Variants in STK32B observed in about 807,000 individuals in gnomAD.
STK32B encodes the protein serine/threonine kinase 32B.
STK32B carries 43 observed loss-of-function variants against 52.6 expected under a neutral mutation model. That is an observed-to-expected ratio of 0.82 (90% CI 0.64 to 1.05). The LOEUF (loss-of-function observed/expected upper bound fraction) is 1.05. Ranked by LOEUF, STK32B falls within the 50% of genes least tolerant of loss-of-function variation. The pLI is 0.00. For missense variants in STK32B, 621 were observed against 534.6 expected (o/e 1.16, Z -1.59); for synonymous variants, 238 against 204.3 (o/e 1.17, Z -1.41).
intron 11 of STK32B, among the ~76,000 whole-genome samples, chr4:5,489,723 C>T (rs531558962): frequency 7.2e-5 from 11 of 152,126 alleles, no homozygotes; most frequent in East Asian, 5.8e-4. Context: ...CAGGTTCAAG[C>T]GATTCCCCTG....
At chr4:5,407,942 A>G (rs1737785910) in intron 5 of STK32B, among the ~76,000 whole-genome samples, 1 of 152,086 alleles carries the variant, frequency 6.6e-6, no homozygotes, top group South Asian at 2.1e-4. Context: ...GCCCTTATTA[A>G]AGGGACCCCA....
chr4:5,492,711 T>C (rs1719849046), intron 11 of STK32B, among the ~76,000 whole-genome samples: 2 of 151,216 alleles, frequency 1.3e-5, no homozygotes, highest in Admixed American at 1.3e-4. Context: ...TGGCTGTGGG[T>C]TTGTCATAGA....
chr4:5,123,247 C>T (rs974757880), intron 1 of STK32B, among the ~76,000 whole-genome samples: 1 of 152,150 alleles, frequency 6.6e-6, no homozygotes, highest in Non-Finnish European at 1.5e-5. Flanking sequence ...GTCAGTTTCC[C>T]ATGTGTCTCT....
In STK32B at chr4:5,394,543, C is replaced by T. The variant is rs1458369195; in HGVS notation, c.435-3664C>T. Reference sequence around the variant, plus strand: ...CATCTCCTCCACGCTGCTTTGCAGGCATCTGCCCAGCAGTCTCCTGTGAAA... The same window carrying T: ...CATCTCCTCCACGCTGCTTTGCAGGTATCTGCCCAGCAGTCTCCTGTGAAA... On this transcript the variant is annotated intron_variant, in intron 4 of 11. Transcript: ENST00000282908. This position sits in a 1 kb window ranked among gnomAD's most constrained non-coding sequence, Gnocchi z 4.2. Among the ~76,000 whole-genome samples, 1 of 152,242 alleles carries T rather than the reference C, an allele frequency of 6.6e-6. No individual in the cohort carries two copies. Among genetic ancestry groups the T allele is most frequent in the African/African-American group, 2.4e-5 (1 of 41,470 alleles).
At chr4:5,350,727 A>G (rs1475797165) in intron 4 of STK32B, among the ~76,000 whole-genome samples, 1 of 152,114 alleles carries the variant, frequency 6.6e-6, no homozygotes, top group Non-Finnish European at 1.5e-5. Flanking sequence ...ACCCAACTAT[A>G]TCCTGCCTAC....
intron 2 of STK32B, among the ~76,000 whole-genome samples, chr4:5,156,306 T>C (rs912156755): frequency 6.6e-6 from 1 of 152,050 alleles, no homozygotes; most frequent in Non-Finnish European, 1.5e-5. Context: ...TAAATATAAA[T>C]GAATGAAGAA....
rs1220455968 is a variant in STK32B, at chr4:5,499,227, G to A, written c.*144G>A. On this transcript the variant is annotated 3_prime_UTR_variant, in exon 12 of 12. Transcript: ENST00000282908. ...CCCTGGACTTGGAGCTGGGAAGCCT[G>A]GGTTCTGGTCCCATCTCCATGACTG... 2 of 1,229,342 alleles carry A rather than the reference G, an allele frequency of 1.6e-6. No homozygotes were observed. The allele number at this position is 1,229,342 out of a possible 1,614,324, so 76.2% of individuals were successfully genotyped here. A position where few individuals can be genotyped will look rare whatever the true frequency, so the allele number is the denominator to read the frequency against.
intron 4 of STK32B, among the ~76,000 whole-genome samples, chr4:5,334,660 T>G (rs59106161): frequency 0.14 from 20,148 of 146,338 alleles, 1,165 homozygotes; most frequent in African/African-American, 0.31. Context: ...CATCAATACC[T>G]AATTTATTGA....
At chr4:5,369,868 TTTTG>T (rs1360266192) in intron 4 of STK32B, among the ~76,000 whole-genome samples, 23 of 151,536 alleles carry the variant, frequency 1.5e-4, no homozygotes, top group South Asian at 1.0e-3. Flanking sequence ...AGTATATTTT[TTTTG>T]TTTGTTTGTT....
intron 3 of STK32B, among the ~76,000 whole-genome samples, chr4:5,184,180 G>C (rs1382275322): frequency 6.6e-6 from 1 of 152,210 alleles, no homozygotes; most frequent in East Asian, 1.9e-4. Flanking sequence ...TCTGGCTTTT[G>C]ATTTAAATTG....
At chr4:5,258,600 C>T (rs1272401873) in intron 3 of STK32B, among the ~76,000 whole-genome samples, 1 of 152,162 alleles carries the variant, frequency 6.6e-6, no homozygotes, top group East Asian at 1.9e-4. Context: ...CTTCCTTTCC[C>T]ACCCTACATC....
chr4:5,288,701 T>C (rs1354885913), intron 3 of STK32B, among the ~76,000 whole-genome samples: 1 of 152,210 alleles, frequency 6.6e-6, no homozygotes, highest in Non-Finnish European at 1.5e-5. Context: ...TCTTTCTGCT[T>C]TCTTGATAGT....
rs568586854 is a variant in STK32B at position 5,198,738 on chromosome 4, A to G, written c.260+30288A>G. Among the ~76,000 whole-genome samples, 4 of 152,320 alleles carry G rather than the reference A, an allele frequency of 2.6e-5. No homozygotes were observed. The South Asian group carries it at 8.3e-4, about 32-fold the overall frequency. On this transcript the variant is annotated intron_variant, in intron 3 of 11. Transcript: ENST00000282908. ...GGAAGGCGGCACCTGGCAGACGGCT[A>G]GACTTGCACAAAGGTCTGGGAGCTT...
chr4:5,201,293 G>C (rs557295772), intron 3 of STK32B, among the ~76,000 whole-genome samples: 3 of 152,270 alleles, frequency 2.0e-5, no homozygotes, highest in African/African-American at 7.2e-5. Context: ...CTGTTTCTGG[G>C]GGTGTAGTGA....
At chr4:5,364,298 A>C (rs192054149) in intron 4 of STK32B, among the ~76,000 whole-genome samples, 6 of 152,244 alleles carry the variant, frequency 3.9e-5, no homozygotes, top group Non-Finnish European at 8.8e-5. Context: ...TATTTTAGAA[A>C]TAAAGTTCAG....
intron 3 of STK32B, among the ~76,000 whole-genome samples, chr4:5,179,507 T>TG (rs80105377): frequency 0.19 from 28,568 of 152,126 alleles, 3,373 homozygotes; most frequent in East Asian, 0.31. Context: ...AAATGATAGA[T>TG]GATATATTAG....
At chr4:5,397,480 G>A (rs1736994210) in intron 4 of STK32B, among the ~76,000 whole-genome samples, 1 of 152,208 alleles carries the variant, frequency 6.6e-6, no homozygotes, top group Admixed American at 6.5e-5. Context: ...TAATGGTGAT[G>A]TAGAGAAGAC....
At chr4:5,037,875 C>T in the STK32B span, among the ~76,000 whole-genome samples, 1 of 152,124 alleles carries the variant, frequency 6.6e-6, no homozygotes, top group African/African-American at 2.4e-5. Flanking sequence ...ATTTCTGTTC[C>T]TGCTGGTGCC....
At chr4:5,289,288 GTTAC>G in intron 3 of STK32B, among the ~76,000 whole-genome samples, 1 of 152,266 alleles carries the variant, frequency 6.6e-6, no homozygotes, top group East Asian at 1.9e-4. Context: ...ACCTGTATAA[GTTAC>G]TTACCGTGAA....
Sources: allele counts gnomAD v4.1 joint callset (sites outside exome capture counted in the v4.1 genomes callset), GRCh38; gene constraint gnomAD v4.1.1; non-coding constraint Gnocchi (gnomAD v3.1); transcripts MANE v1.5; gene names NCBI Gene and HGNC (gene_info 2026-07-23, HGNC 2026-07-21).